Variants in CD300LB observed in about 807,000 individuals in gnomAD.
The protein encoded by CD300LB is CMRF35-like molecule 7.
A neutral mutation model predicts 20.8 loss-of-function variants in CD300LB; 18 were observed. That is an observed-to-expected ratio of 0.87 (90% CI 0.60 to 1.28). The LOEUF is 1.28. Among genes scored for constraint, CD300LB ranks in the 50% most tolerant of loss-of-function variants. The probability of loss-of-function intolerance (pLI) is 0.00; values close to 1 mark genes in which losing one functional copy is unlikely to be tolerated. For synonymous variants in CD300LB, 91 were observed against 91.3 expected, an observed-to-expected ratio of 1.00 and a Z score of 0.02; for missense variants, 222 against 251.8, an observed-to-expected ratio of 0.88 and a Z score of 0.80.
At position 74,522,254 on chromosome 17, in the gene CD300LB, C is replaced by G. The variant is rs1220591908; in HGVS notation, c.*484G>C. 3.0e-6 allele frequency: 3 copies of G among 986,460 alleles called. No individual in the cohort carries two copies. Among genetic ancestry groups the G allele is most frequent in the African/African-American group, 3.5e-5 (2 of 57,316 alleles). 61.1% of individuals were successfully genotyped at this position (986,460 alleles called of 1,614,324 possible). A position where few individuals can be genotyped will look rare whatever the true frequency, so the allele number is the denominator to read the frequency against. On this transcript the variant is annotated 3_prime_UTR_variant, in exon 4 of 4. Transcript: ENST00000392621. Reference sequence around the variant, plus strand: ...GAATCACCCTCCTTGTGTGTGGGATCAGAGAGGTTTCCTATGAACATAAGT... The same window carrying G: ...GAATCACCCTCCTTGTGTGTGGGATGAGAGAGGTTTCCTATGAACATAAGT...
chr17:74,529,527 C>T (rs976008542), intron 1 of CD300LB, among the ~76,000 whole-genome samples: 4 of 152,184 alleles, frequency 2.6e-5, no homozygotes, highest in Non-Finnish European at 4.4e-5. Flanking sequence ...CACGGTGGCT[C>T]ATGCCTGTAT....
rs772922174 is a variant in CD300LB at position 74,531,364 on chromosome 17, C to A, written c.-14G>T. On this transcript the variant is annotated 5_prime_UTR_variant, in exon 1 of 4. Coordinates refer to ENST00000392621, the MANE Select transcript of CD300LB (RefSeq NM_174892.4). ...GGGCAGCCACATGGCTCTGCCTTCCCGGCTCCTCGTCCGCCTGATCTGCAA... is the reference window on the plus strand; with the variant it reads ...GGGCAGCCACATGGCTCTGCCTTCCAGGCTCCTCGTCCGCCTGATCTGCAA... The A allele has an allele frequency of 9.9e-6, 16 of 1,612,208 alleles. No individual in the cohort carries two copies. Among genetic ancestry groups the A allele is most frequent in the Non-Finnish European group, 1.3e-5 (15 of 1,179,234 alleles).
At chr17:74,525,412 G>A (rs1198079983) in intron 2 of CD300LB, among the ~76,000 whole-genome samples, 1 of 152,060 alleles carries the variant, frequency 6.6e-6, no homozygotes, top group Non-Finnish European at 1.5e-5. Context: ...CCCCTGGGCA[G>A]CTCTAGGTTC....
chr17:74,521,249 C>T lies in CD300LB; in HGVS notation c.*1489G>A, dbSNP rs762377242. On this transcript the variant is annotated 3_prime_UTR_variant, in exon 4 of 4. Transcript: ENST00000392621. Reference sequence around the variant, plus strand: ...AAAAGAATGACATCACGTTGACAAGCGCCCATGTCCCCTCGCCCCTGAGTC... The same window carrying T: ...AAAAGAATGACATCACGTTGACAAGTGCCCATGTCCCCTCGCCCCTGAGTC... 5.5e-5 allele frequency: 25 copies of T among 455,924 alleles called. No homozygotes were observed. Among genetic ancestry groups the T allele is most frequent in the South Asian group, 9.3e-5 (1 of 10,738 alleles). The allele number at this position is 455,924 out of a possible 1,614,324, so 28.2% of individuals were successfully genotyped here.
chr17:74,525,402 C>A (rs1907998828), intron 2 of CD300LB, among the ~76,000 whole-genome samples: 1 of 151,980 alleles, frequency 6.6e-6, no homozygotes. Context: ...ATACTAGGAC[C>A]CCCTGGGCAG....
In CD300LB at chr17:74,522,180, G is replaced by T; in HGVS notation, c.*558C>A. ...GACTCAGAGCCATGTCCTCCCTGGG[G>T]ACAGGGTCCATCCAGCCCCTCATGC... On this transcript the variant is annotated 3_prime_UTR_variant, in exon 4 of 4. Coordinates refer to ENST00000392621, the MANE Select transcript of CD300LB (RefSeq NM_174892.4). The T allele has an allele frequency of 1.0e-6, 1 of 985,666 alleles. No individual in the cohort carries two copies. The highest frequency in any genetic ancestry group is 1.2e-6 in the Non-Finnish European group (1 of 830,064). 61.1% of individuals were successfully genotyped at this position (985,666 alleles called of 1,614,324 possible).
chr17:74,526,195 A>G (rs1354740224), intron 1 of CD300LB, 118 bp from the exon 2 acceptor site: 2 of 1,411,854 alleles, frequency 1.4e-6, no homozygotes, highest in African/African-American at 2.9e-5. Context: ...ATCCCAAGAT[A>G]CAGCTCCTGT....
At position 74,522,841 on chromosome 17, in the gene CD300LB, G is replaced by T. The variant is rs775472974; in HGVS notation, c.503C>A (p.Ala168Asp). ...CTGAGACCCCTTCAACCAGAGGATG[G>T]CAGTGACCAAGATGAGCAAGATGGG... The part of the protein sequence containing the change: ...KVPILLILVT[A>D]ILWLKGSQRV... The change falls in exon 4 of 4, where the codon GCC (alanine) becomes GAC (aspartate). Residue 168 changes from alanine to aspartate, a missense_variant. By Grantham distance (126) the Ala-to-Asp change is moderately radical. Coordinates refer to ENST00000392621, the MANE Select transcript of CD300LB (RefSeq NM_174892.4). The T allele has an allele frequency of 3.1e-6, 5 of 1,614,070 alleles. No individual in the cohort carries two copies. The highest frequency in any genetic ancestry group is 4.2e-6 in the Non-Finnish European group (5 of 1,180,020).
chr17:74,522,776 T>C lies in CD300LB; in HGVS notation c.568A>G (p.Asn190Asp), dbSNP rs200464842. The C allele has an allele frequency of 2.8e-4, 452 of 1,614,130 alleles. 7 individuals are homozygous for C. In the South Asian group the frequency reaches 4.9e-3, roughly 17 times the overall value. Residue 190 changes from asparagine (N) to aspartate (D), a missense_variant, in exon 4 of 4, where the codon AAC becomes GAC. Physicochemically the swap from Asn to Asp is conservative, Grantham distance 23. Coordinates refer to ENST00000392621, the MANE Select transcript of CD300LB (RefSeq NM_174892.4). ...EEPGEQPIYM[N>D]FSEPLTKDMA... ...TCTTTAGTCAGAGGTTCGGAGAAGT[T>C]CATGTAGATAGGCTGTTCCCCTGGC...
At position 74,522,960 on chromosome 17, in the gene CD300LB, C is replaced by T. The variant is rs1907928666; in HGVS notation, c.444-60G>A. The T allele has an allele frequency of 4.0e-6, 6 of 1,517,128 alleles. No homozygotes were observed. In the East Asian group the frequency reaches 9.4e-5, roughly 24 times the overall value. The allele number at this position is 1,517,128 out of a possible 1,614,324, so 94.0% of individuals were successfully genotyped here. On this transcript the variant is annotated intron_variant, in intron 3 of 3. Coordinates refer to ENST00000392621, the MANE Select transcript of CD300LB (RefSeq NM_174892.4). Reference sequence around the variant, plus strand: ...CATCCCCAGGCCATGTCACTCCCATCCCCTGACCCTGTGAGCCACCAGCCA... The same window carrying T: ...CATCCCCAGGCCATGTCACTCCCATTCCCTGACCCTGTGAGCCACCAGCCA...
rs1433250413 is a variant in CD300LB, at chr17:74,531,396, G to T, written c.-46C>A. The T allele has an allele frequency of 1.2e-6, 2 of 1,612,802 alleles. No individual in the cohort carries two copies. The highest frequency in any genetic ancestry group is 2.7e-5 in the African/African-American group (2 of 74,836). On this transcript the variant is annotated 5_prime_UTR_variant, in exon 1 of 4. The change creates a premature stop within an existing upstream ORF in the 5' untranslated region. Transcript: ENST00000392621. The stretch of plus-strand genomic sequence containing the variant: ...TCGTCCGCCTGATCTGCAACCAGTG[G>T]CAAATGCAGATCCCAGATGCACTCT...
intron 1 of CD300LB, among the ~76,000 whole-genome samples, chr17:74,528,595 T>A (rs1164568411): frequency 6.6e-6 from 1 of 151,890 alleles, no homozygotes; most frequent in Non-Finnish European, 1.5e-5. Flanking sequence ...AGCTGATTGG[T>A]AGCCAGTTTA....
chr17:74,530,573 ACACACACACACACACACACC>A (rs1908174822), intron 1 of CD300LB, among the ~76,000 whole-genome samples: 1 of 141,384 alleles, frequency 7.1e-6, no homozygotes, highest in African/African-American at 3.1e-5. Context: ...ACACACACAC[ACACACACACACACACACACC>A]CAACTCTCTA....
Position 74,523,638 on chromosome 17 carries a change from G to T in CD300LB, c.384C>A (p.Ser128=). The change falls in exon 3 of 4, where the codon TCC becomes TCA. Residue 128 remains serine, a synonymous_variant. Transcript: ENST00000392621. Reference sequence around the variant, plus strand: ...TGTTGGTAGGTGAGCTTGCTGTTGTGGAAGCCGCTCCCTCTAGACACAGGC... The same window carrying T: ...TGTTGGTAGGTGAGCTTGCTGTTGTTGAAGCCGCTCCCTCTAGACACAGGC... ...KVIVDPEGAA[S]TTASSPTNSN... 6.2e-7 allele frequency: 1 copy of T among 1,613,036 alleles called. No individual in the cohort carries two copies. Among genetic ancestry groups the T allele is most frequent in the Non-Finnish European group, 8.5e-7 (1 of 1,178,984 alleles).
chr17:74,529,085 G>A (rs886280417), intron 1 of CD300LB, among the ~76,000 whole-genome samples: 18 of 152,064 alleles, frequency 1.2e-4, no homozygotes, highest in African/African-American at 3.4e-4. Context: ...AGTTATAATC[G>A]CCCACCACTG....
chr17:74,521,278 C>A lies in CD300LB; in HGVS notation c.*1460G>T. On this transcript the variant is annotated 3_prime_UTR_variant, in exon 4 of 4. Coordinates refer to ENST00000392621, the MANE Select transcript of CD300LB (RefSeq NM_174892.4). The stretch of plus-strand genomic sequence containing the variant: ...CATGTCCCCTCGCCCCTGAGTCCAG[C>A]TGGTGAAGCACCATGCTTTGGCTTT... The A allele has an allele frequency of 1.2e-6, 1 of 853,836 alleles. No homozygotes were observed. Among genetic ancestry groups the A allele is most frequent in the Non-Finnish European group, 1.4e-6 (1 of 710,002 alleles). 52.9% of individuals were successfully genotyped at this position (853,836 alleles called of 1,614,324 possible).
In CD300LB at chr17:74,522,491, C is replaced by A; in HGVS notation, c.*247G>T. On this transcript the variant is annotated 3_prime_UTR_variant, in exon 4 of 4. Transcript: ENST00000392621. Reference sequence around the variant, plus strand: ...GAGTCGTCCAGTGCTTGAGCTCCATCTCTACAGCTCCTGACCAAGAGAACA... The same window carrying A: ...GAGTCGTCCAGTGCTTGAGCTCCATATCTACAGCTCCTGACCAAGAGAACA... 1 of 1,256,154 alleles carries A rather than the reference C, an allele frequency of 8.0e-7. No homozygotes were observed. The highest frequency in any genetic ancestry group is 1.0e-6 in the Non-Finnish European group (1 of 991,926). The allele number at this position is 1,256,154 out of a possible 1,614,324, so 77.8% of individuals were successfully genotyped here.
rs770159213 is a variant in CD300LB at position 74,525,805 on chromosome 17, C to T, written c.313G>A (p.Gly105Arg). ...AGGTCAGGTCCTCTTCTTTCAATCC[C>T]ACACCAGTAAACATCTGCGTCATCT... ...RRDDADVYWC[G>R]IERRGPDLGT... Residue 105 changes from glycine (G) to arginine (R), a missense_variant, in exon 2 of 4, where the codon GGG becomes AGG. Coordinates refer to ENST00000392621, the MANE Select transcript of CD300LB (RefSeq NM_174892.4). 5.0e-6 allele frequency: 8 copies of T among 1,614,164 alleles called. No individual in the cohort carries two copies. The highest frequency in any genetic ancestry group is 6.8e-6 in the Non-Finnish European group (8 of 1,180,036).
chr17:74,531,205 C>G (rs577993948), intron 1 of CD300LB, 106 bp downstream of exon 1: 3 of 1,346,442 alleles, frequency 2.2e-6, no homozygotes, highest in African/African-American at 3.0e-5. Context: ...TGTCGAATGA[C>G]TTCACAAAGC....
Sources: allele counts gnomAD v4.1 joint callset (sites outside exome capture counted in the v4.1 genomes callset), GRCh38; gene constraint gnomAD v4.1.1; transcripts MANE v1.5; gene names NCBI Gene and HGNC (gene_info 2026-07-23, HGNC 2026-07-21).